ING2: variants seen among roughly 807,000 people sequenced by gnomAD.
ING2 encodes inhibitor of growth family member 2.
In ING2, 7 loss-of-function variants were observed where a neutral mutation model predicts 30.6. That is an observed-to-expected ratio of 0.23 (90% CI 0.13 to 0.43). ING2 has a LOEUF of 0.43. Among genes scored for constraint, ING2 ranks in the 20% least tolerant of loss-of-function variants. The probability of loss-of-function intolerance (pLI) is 1.00; values close to 1 mark genes in which losing one functional copy is unlikely to be tolerated. For synonymous variants in ING2, 136 were observed against 121.7 expected, an observed-to-expected ratio of 1.12 and a Z score of -0.78; for missense variants, 239 against 334.9, an observed-to-expected ratio of 0.71 and a Z score of 2.24.
At chr4:183,506,112 G>A in intron 1 of ING2, 2 of 1,212,302 alleles carry the variant, frequency 1.6e-6, no homozygotes, top group East Asian at 6.7e-5. Flanking sequence ...GTTCCCGCGG[G>A]CCTGGAAAAT....
rs1734650955 is a variant in ING2 at position 183,506,436 on chromosome 4, C to CGTT, written c.172+1069_172+1070insGTT. The CGTT allele has an allele frequency of 7.4e-6, 5 of 674,876 alleles. No individual in the cohort carries two copies. The Admixed American group carries it at 1.2e-4, about 16-fold the overall frequency. The allele number at this position is 674,876 out of a possible 1,614,324, so 41.8% of individuals were successfully genotyped here. On this transcript the variant is annotated intron_variant, in intron 1 of 1. Coordinates refer to ENST00000302327, the MANE Select transcript of ING2 (RefSeq NM_001564.4). ...CCGACTTTAAGTGTGGAGGCGAAAC[C>CGTT]ACCCTTTGCCGGCCGACCCGGGAAC...
intron 1 of ING2, chr4:183,506,411 C>A: frequency 1.1e-6 from 1 of 929,942 alleles, no homozygotes. Flanking sequence ...CCCTCCTTCT[C>A]CGACTTTAAG....
At position 183,510,779 on chromosome 4, in the gene ING2, G is replaced by A; in HGVS notation, c.670G>A (p.Glu224Lys). 1 of 1,614,208 alleles carries A rather than the reference G, an allele frequency of 6.2e-7. No individual in the cohort carries two copies. The highest frequency in any genetic ancestry group is 8.5e-7 in the Non-Finnish European group (1 of 1,180,036). Reference sequence around the variant, plus strand: ...CTTATGCAACCAAGTGTCTTATGGGGAGATGATAGGATGTGACAATGAACA... The same window carrying A: ...CTTATGCAACCAAGTGTCTTATGGGAAGATGATAGGATGTGACAATGAACA... The part of the protein sequence containing the change: ...YCLCNQVSYG[E>K]MIGCDNEQCP... The change falls in exon 2 of 2, where the codon GAG becomes AAG. Residue 224 changes from glutamate (E) to lysine (K), a missense_variant. Glu to Lys is a moderately conservative substitution (Grantham distance 56). Coordinates refer to ENST00000302327, the MANE Select transcript of ING2 (RefSeq NM_001564.4).
intron 1 of ING2, among the ~76,000 whole-genome samples, chr4:183,507,203 C>A (rs1734668643): frequency 1.3e-5 from 2 of 152,110 alleles, no homozygotes; most frequent in South Asian, 4.1e-4. Context: ...CGGGTTCAAG[C>A]GATTCTCCTG....
intron 1 of ING2, among the ~76,000 whole-genome samples, chr4:183,509,100 G>A (rs1375612783): frequency 2.0e-5 from 3 of 152,222 alleles, no homozygotes; most frequent in African/African-American, 2.4e-5. Flanking sequence ...TTTCCCATGT[G>A]AGGCTAAAGT....
intron 1 of ING2, chr4:183,506,277 A>G: frequency 7.7e-7 from 1 of 1,304,202 alleles, no homozygotes; most frequent in Non-Finnish European, 1.0e-6. Flanking sequence ...ATGGATCAGG[A>G]CGGCGATCAG....
chr4:183,506,610 C>T (rs974628984), intron 1 of ING2, among the ~76,000 whole-genome samples: 3 of 152,212 alleles, frequency 2.0e-5, no homozygotes, highest in Non-Finnish European at 2.9e-5. Context: ...GCCATACGAA[C>T]TTTAAAGATA....
At position 183,510,999 on chromosome 4, in the gene ING2, C is replaced by A. The variant is rs375911461; in HGVS notation, c.*47C>A. ...AGGGTTATTTGTCTTTTATATAATT[C>A]GTTTGCTTTCAGAAAATGTTTTAGG... On this transcript the variant is annotated 3_prime_UTR_variant, in exon 2 of 2. Coordinates refer to ENST00000302327, the MANE Select transcript of ING2 (RefSeq NM_001564.4). The A allele has an allele frequency of 6.9e-7, 1 of 1,441,668 alleles. No individual in the cohort carries two copies. The highest frequency in any genetic ancestry group is 1.4e-5 in the South Asian group (1 of 69,680). The allele number at this position is 1,441,668 out of a possible 1,614,324, so 89.3% of individuals were successfully genotyped here.
In ING2 at chr4:183,510,937, T is replaced by C; in HGVS notation, c.828T>C (p.Asp276=). 6.3e-7 allele frequency: 1 copy of C among 1,593,652 alleles called. No individual in the cohort carries two copies. Among genetic ancestry groups the C allele is most frequent in the Non-Finnish European group, 8.6e-7 (1 of 1,166,316 alleles). Residue 276 remains aspartate (D), a synonymous_variant, in exon 2 of 2, where the codon GAT becomes GAC. Transcript: ENST00000302327. The part of the protein sequence containing the change: ...MDKSTEKTKK[D]RRSR ...AAAGTACTGAAAAGACAAAAAAGGA[T>C]AGAAGATCGAGGTAGTAAAGGCCAT...
At chr4:183,507,248 C>G (rs1453446786) in intron 1 of ING2, among the ~76,000 whole-genome samples, 1 of 152,160 alleles carries the variant, frequency 6.6e-6, no homozygotes, top group Non-Finnish European at 1.5e-5. Context: ...TTACAGGCAA[C>G]TGCCATCACG....
intron 1 of ING2, chr4:183,506,373 A>T (rs1734648851): frequency 8.5e-7 from 1 of 1,182,320 alleles, no homozygotes; most frequent in Non-Finnish European, 1.1e-6. Flanking sequence ...GGGTTGGTTG[A>T]CTGGGCAACC....
At position 183,510,704 on chromosome 4, in the gene ING2, G is replaced by A. The variant is rs1734802442; in HGVS notation, c.595G>A (p.Glu199Lys). ...ACGCTCCAAGGCCAAGCAGGAAAGG[G>A]AAGCTTCACCTGTTGAGTTTGCAAT... ...KKRSKAKQER[E>K]ASPVEFAIDP... The change falls in exon 2 of 2, where the codon GAA (glutamate) becomes AAA (lysine). Residue 199 changes from glutamate to lysine, a missense_variant. This residue lies in a region of ING2 where 115 missense variants were observed against 120.1 expected (regional missense o/e 0.96). Coordinates refer to ENST00000302327, the MANE Select transcript of ING2 (RefSeq NM_001564.4). The A allele has an allele frequency of 6.2e-7, 1 of 1,614,208 alleles. No homozygotes were observed. Among genetic ancestry groups the A allele is most frequent in the Non-Finnish European group, 8.5e-7 (1 of 1,180,040 alleles).
chr4:183,511,605 G>C lies in ING2; in HGVS notation c.*653G>C, dbSNP rs1025777421. 6.6e-6 allele frequency among the ~76,000 whole-genome samples: 1 copy of C among 152,204 alleles called. No homozygotes were observed. The highest frequency in any genetic ancestry group is 1.5e-5 in the Non-Finnish European group (1 of 68,032). On this transcript the variant is annotated 3_prime_UTR_variant, in exon 2 of 2. Coordinates refer to ENST00000302327, the MANE Select transcript of ING2 (RefSeq NM_001564.4). ...TGCTGCTGCTTTGTAGATATACTTAGTCTAGTGCTTAATAAGGGAGTTGTT... is the reference window on the plus strand; with the variant it reads ...TGCTGCTGCTTTGTAGATATACTTACTCTAGTGCTTAATAAGGGAGTTGTT...
Position 183,505,158 on chromosome 4 carries a change from TG to T in ING2, c.-36del. The T allele has an allele frequency of 6.4e-7, 1 of 1,574,650 alleles. No individual in the cohort carries two copies. The highest frequency in any genetic ancestry group is 1.1e-5 in the South Asian group (1 of 87,506). Reference sequence around the variant, plus strand: ...CCGCGGCCGGTGCATGTGCGGCTGCTGGATGCGGAGGCGGCGGCGACGGCGC... The same window carrying T: ...CCGCGGCCGGTGCATGTGCGGCTGCTGATGCGGAGGCGGCGGCGACGGCGC... On this transcript the variant is annotated 5_prime_UTR_variant, in exon 1 of 2. It introduces an in-frame stop codon into an upstream open reading frame of the 5' UTR. Coordinates refer to ENST00000302327, the MANE Select transcript of ING2 (RefSeq NM_001564.4).
rs1247638867 is a variant in ING2, at chr4:183,506,334, T to C, written c.172+967T>C. On this transcript the variant is annotated intron_variant, in intron 1 of 1. Coordinates refer to ENST00000302327, the MANE Select transcript of ING2 (RefSeq NM_001564.4). ...CTGGCTCCGCGTAGGTTCCGGGACA[T>C]GTGTCACTTCCGGGCTTCAGGAGGA... 4.6e-6 allele frequency: 6 copies of C among 1,299,202 alleles called. No individual in the cohort carries two copies. In the East Asian group the frequency reaches 2.8e-4, roughly 60 times the overall value. 80.5% of individuals were successfully genotyped at this position (1,299,202 alleles called of 1,614,324 possible).
Position 183,511,985 on chromosome 4 carries a change from AT to A in ING2, c.*1036del, listed in dbSNP as rs1405217123. The stretch of plus-strand genomic sequence containing the variant: ...TATTGGTGCTGTTTGATGTTTTCAC[AT>A]TTAATTAACTTATTTCATCATCATA... On this transcript the variant is annotated 3_prime_UTR_variant, in exon 2 of 2. Transcript: ENST00000302327. Among the ~76,000 whole-genome samples the A allele has an allele frequency of 6.6e-6, 1 of 152,182 alleles. No individual in the cohort carries two copies. The highest frequency in any genetic ancestry group is 2.4e-5 in the African/African-American group (1 of 41,428).
intron 1 of ING2, among the ~76,000 whole-genome samples, chr4:183,507,822 C>T (rs1474669613): frequency 6.6e-6 from 1 of 152,032 alleles, no homozygotes; most frequent in Non-Finnish European, 1.5e-5. Flanking sequence ...TTCTTTCTAA[C>T]CTACTTGAGA....
chr4:183,508,326 C>G (rs973100952), intron 1 of ING2, among the ~76,000 whole-genome samples: 1 of 151,652 alleles, frequency 6.6e-6, no homozygotes, highest in African/African-American at 2.4e-5. Flanking sequence ...TTATTAGGTA[C>G]AAAATATTTG....
At chr4:183,508,103 T>C (rs897911071) in intron 1 of ING2, among the ~76,000 whole-genome samples, 21 of 151,988 alleles carry the variant, frequency 1.4e-4, no homozygotes, top group Admixed American at 2.0e-4. Flanking sequence ...TTCTTATCTC[T>C]TGAGTTGCAG....
Sources: allele counts gnomAD v4.1 joint callset (sites outside exome capture counted in the v4.1 genomes callset), GRCh38; gene constraint gnomAD v4.1.1; regional missense constraint gnomAD v4.1.1; transcripts MANE v1.5; gene names NCBI Gene and HGNC (gene_info 2026-07-23, HGNC 2026-07-21).